Variants in KALRN observed in about 807,000 individuals in gnomAD.
KALRN encodes the protein kalirin.
In KALRN, 70 loss-of-function variants were observed where a neutral mutation model predicts 353.7. The observed-to-expected ratio is 0.20, with a 90% confidence interval of 0.16 to 0.24. The LOEUF is 0.24. KALRN is among the 10% of genes least tolerant of loss of function. KALRN has a pLI of 1.00. For missense variants in KALRN, 2,791 were observed against 3,756.7 expected (o/e 0.74, Z 6.72); for synonymous variants, 1,391 against 1,434.8 (o/e 0.97, Z 0.69).
intron 34 of KALRN, among the ~76,000 whole-genome samples, chr3:124,624,688 GTAGA>G (rs111909628): frequency 0.34 from 51,030 of 151,790 alleles, 8,654 homozygotes; most frequent in East Asian, 0.44. Flanking sequence ...GGATACCCCT[GTAGA>G]TAGATAGAAG....
Position 124,666,652 on chromosome 3 carries a change from G to A in KALRN, c.6531+18G>A. On this transcript the variant is annotated intron_variant, in intron 46 of 59. Transcript: ENST00000682506. ...GCATCAAGGTGAGGATCCCAATGGT[G>A]ATGAGAAGAGGCAAGGAAGAGCCCA... The A allele has an allele frequency of 1.2e-6, 2 of 1,608,592 alleles. No individual in the cohort carries two copies. The highest frequency in any genetic ancestry group is 1.1e-5 in the South Asian group (1 of 90,700).
At chr3:124,191,540 C>G (rs2074919461) in intron 1 of KALRN, among the ~76,000 whole-genome samples, 1 of 152,236 alleles carries the variant, frequency 6.6e-6, no homozygotes, top group Admixed American at 6.5e-5. Flanking sequence ...ATATCACAAG[C>G]TGCCTTCTTT....
intron 28 of KALRN, among the ~76,000 whole-genome samples, chr3:124,485,604 G>A (rs979034315): frequency 1.2e-4 from 18 of 152,220 alleles, no homozygotes; most frequent in Non-Finnish European, 2.6e-4. Flanking sequence ...AATAGGCTGG[G>A]CACAGTGGCT....
intron 1 of KALRN, chr3:124,094,749 CGT>C: frequency 9.1e-7 from 1 of 1,098,520 alleles, no homozygotes; most frequent in South Asian, 1.3e-5. Flanking sequence ...GCGAGCCCAG[CGT>C]CAAGTGATTC....
intron 5 of KALRN, among the ~76,000 whole-genome samples, chr3:124,287,382 G>A (rs2076005984): frequency 6.6e-6 from 1 of 151,926 alleles, no homozygotes; most frequent in Non-Finnish European, 1.5e-5. Flanking sequence ...TCCCTCCACT[G>A]TAATATCCTG....
chr3:124,187,463 G>A (rs2074370475), intron 1 of KALRN, among the ~76,000 whole-genome samples: 1 of 152,194 alleles, frequency 6.6e-6, no homozygotes, highest in Non-Finnish European at 1.5e-5. Flanking sequence ...GTGAGGCAAG[G>A]ATCTTCAGCA....
At chr3:124,619,734 G>A (rs535879187) in intron 34 of KALRN, among the ~76,000 whole-genome samples, 33 of 152,068 alleles carry the variant, frequency 2.2e-4, no homozygotes, top group Non-Finnish European at 3.1e-4. Flanking sequence ...TGATTCGCCC[G>A]TCTTGGGCTC....
intron 8 of KALRN, among the ~76,000 whole-genome samples, chr3:124,330,286 A>C (rs376328988): frequency 5.1e-4 from 67 of 132,500 alleles, no homozygotes; most frequent in South Asian, 2.7e-3. Flanking sequence ...ACACACACAC[A>C]CCCCATACAC....
At chr3:124,065,582 T>G (rs2149238292) in intron 1 of KALRN, among the ~76,000 whole-genome samples, 1 of 149,140 alleles carries the variant, frequency 6.7e-6, no homozygotes, top group Non-Finnish European at 1.5e-5. Context: ...TTATGGTGAC[T>G]AGTTATACTA....
intron 6 of KALRN, among the ~76,000 whole-genome samples, chr3:124,303,176 T>C (rs1221152603): frequency 2.0e-5 from 3 of 152,218 alleles, no homozygotes; most frequent in Non-Finnish European, 4.4e-5. Flanking sequence ...GATATCCTAC[T>C]AAATATGGTA....
chr3:124,301,669 T>C (rs2077278225), intron 6 of KALRN, among the ~76,000 whole-genome samples: 1 of 152,190 alleles, frequency 6.6e-6, no homozygotes, highest in Admixed American at 6.5e-5. Flanking sequence ...GAATTACAGA[T>C]TCCTTTTCTC....
intron 1 of KALRN, chr3:124,163,904 A>G (rs546590473): frequency 3.0e-6 from 3 of 985,482 alleles, no homozygotes; most frequent in South Asian, 9.4e-5. Context: ...CAGTTGCAAC[A>G]TCTGTCCCCT....
chr3:124,564,191 C>A (rs1249591682), intron 34 of KALRN, among the ~76,000 whole-genome samples: 1 of 109,858 alleles, frequency 9.1e-6, no homozygotes, highest in Non-Finnish European at 1.7e-5. Context: ...GGCGACAGAG[C>A]GAAACTCCGT....
chr3:124,436,529 A>G (rs1332058787), intron 17 of KALRN, among the ~76,000 whole-genome samples: 1 of 152,122 alleles, frequency 6.6e-6, no homozygotes, highest in Non-Finnish European at 1.5e-5. Flanking sequence ...GTTTGATGAC[A>G]GATCTTCTCA....
At chr3:124,182,140 G>A (rs2073680388) in intron 1 of KALRN, among the ~76,000 whole-genome samples, 2 of 152,352 alleles carry the variant, frequency 1.3e-5, no homozygotes, top group African/African-American at 4.8e-5. Flanking sequence ...TAAATATTTG[G>A]AGGTTAGAGA....
chr3:124,596,743 T>C (rs934673791), intron 34 of KALRN, among the ~76,000 whole-genome samples: 1 of 152,182 alleles, frequency 6.6e-6, no homozygotes, highest in Non-Finnish European at 1.5e-5. Flanking sequence ...GTTGGATTAT[T>C]ACTATCATTA....
intron 16 of KALRN, among the ~76,000 whole-genome samples, chr3:124,434,032 A>G (rs950183325): frequency 6.6e-6 from 1 of 152,226 alleles, no homozygotes; most frequent in Non-Finnish European, 1.5e-5. Flanking sequence ...TGCTACAGAA[A>G]CTGAAATGTC....
chr3:124,609,439 TG>T (rs1356623088), intron 34 of KALRN, among the ~76,000 whole-genome samples: 8 of 152,324 alleles, frequency 5.3e-5, no homozygotes, highest in Admixed American at 5.2e-4. Flanking sequence ...ATGCAACTCA[TG>T]TGTTCATGCT....
In KALRN at chr3:124,438,923, C is replaced by G; in HGVS notation, c.3084C>G (p.Tyr1028Ter). The G allele has an allele frequency of 6.2e-7, 1 of 1,613,998 alleles. No individual in the cohort carries two copies. Among genetic ancestry groups the G allele is most frequent in the Non-Finnish European group, 8.5e-7 (1 of 1,179,932 alleles). Residue 1028 changes from tyrosine (Y) to a stop codon, truncating the protein, a stop_gained, in exon 18 of 60, where the codon TAC becomes TAG. Coordinates refer to ENST00000682506, the MANE Select transcript of KALRN (RefSeq NM_001388419.1). LOFTEE classifies it high-confidence loss of function. ...TCCTGGAGAGCTTAGAGCAAGAATA[C>G]CGGAGAGATGAGGACTGGTGTGGTG... ...CSVLESLEQE[Y>*]RRDEDWCGGR...
Sources: allele counts gnomAD v4.1 joint callset (sites outside exome capture counted in the v4.1 genomes callset), GRCh38; gene constraint gnomAD v4.1.1; transcripts MANE v1.5; gene names NCBI Gene and HGNC (gene_info 2026-07-23, HGNC 2026-07-21).